The following ADAMDEC1 variants were observed in gnomAD, a reference collection of about 807,000 sequenced individuals.
ADAMDEC1 encodes ADAM like decysin 1, also known as ADAM DEC1.
ADAMDEC1 carries 62 observed loss-of-function variants against 60.4 expected under a neutral mutation model. The observed-to-expected ratio is 1.03, with a 90% CI of 0.84 to 1.27. The LOEUF (loss-of-function observed/expected upper bound fraction) is 1.27. ADAMDEC1 is among the 50% of genes most tolerant of loss of function. ADAMDEC1 has a pLI of 0.00. For missense variants in ADAMDEC1, 595 were observed against 565.0 expected, an observed-to-expected ratio of 1.05 and a Z score of -0.54; for synonymous variants, 210 against 195.1, an observed-to-expected ratio of 1.08 and a Z score of -0.64.
At position 24,405,498 on chromosome 8, in the gene ADAMDEC1, T is replaced by G. The variant is rs1817867465; in HGVS notation, c.*200T>G. The G allele has an allele frequency of 2.0e-6, 1 of 504,402 alleles. No individual in the cohort carries two copies. The highest frequency in any genetic ancestry group is 3.4e-5 in the East Asian group (1 of 29,428). 31.2% of individuals were successfully genotyped at this position (504,402 alleles called of 1,614,324 possible). On this transcript the variant is annotated 3_prime_UTR_variant, in exon 14 of 14. Coordinates refer to ENST00000256412, the MANE Select transcript of ADAMDEC1 (RefSeq NM_014479.3). ...TCTTTGTTTAGGCCTAATCTTTCTTTTTACTTTTTTTTTTCTTTTTTCTTT... is the reference window on the plus strand; with the variant it reads ...TCTTTGTTTAGGCCTAATCTTTCTTGTTACTTTTTTTTTTCTTTTTTCTTT...
intron 4 of ADAMDEC1, among the ~76,000 whole-genome samples, chr8:24,395,371 G>A (rs1449612658): frequency 1.6e-4 from 24 of 152,226 alleles, no homozygotes; most frequent in Non-Finnish European, 3.5e-4. Flanking sequence ...TACATCCCAA[G>A]AGGACTGGCT....
chr8:24,393,178 T>C, intron 2 of ADAMDEC1, 84 bp from the exon 3 acceptor site: 1 of 793,290 alleles, frequency 1.3e-6, no homozygotes, highest in Non-Finnish European at 1.9e-6. Flanking sequence ...CATTTGTAAT[T>C]GTTCTTCTAA....
chr8:24,397,201 T>C, intron 5 of ADAMDEC1, 69 bp from the exon 6 acceptor site: 2 of 1,455,890 alleles, frequency 1.4e-6, no homozygotes, highest in African/African-American at 1.4e-5. Flanking sequence ...CAGACATCAA[T>C]CCATTCTTGG....
In ADAMDEC1 at chr8:24,398,435, G is replaced by A. The variant is rs534148489; in HGVS notation, c.691-45G>A. ...ATCTTGTATGCCATCAGCTTTCTCA[G>A]TGTAATCTGCTATTTCACTATACTT... On this transcript the variant is annotated intron_variant, in intron 7 of 13. Transcript: ENST00000256412. The A allele has an allele frequency of 3.4e-6, 4 of 1,173,508 alleles. No individual in the cohort carries two copies. The South Asian group carries it at 4.0e-5, about 12-fold the overall frequency. The allele number at this position is 1,173,508 out of a possible 1,614,324, so 72.7% of individuals were successfully genotyped here.
chr8:24,394,481 G>C (rs1817554536), intron 4 of ADAMDEC1, among the ~76,000 whole-genome samples: 1 of 152,072 alleles, frequency 6.6e-6, no homozygotes, highest in Non-Finnish European at 1.5e-5. Flanking sequence ...AAAACCTCTT[G>C]TCACTATTTA....
intron 13 of ADAMDEC1, among the ~76,000 whole-genome samples, chr8:24,404,753 C>G (rs1318289867): frequency 6.6e-6 from 1 of 152,130 alleles, no homozygotes; most frequent in African/African-American, 2.4e-5. Flanking sequence ...ATTGAAACTG[C>G]AGAGACAGTA....
chr8:24,403,951 A>G, intron 12 of ADAMDEC1, 52 bp from the exon 13 acceptor site: 1 of 1,474,418 alleles, frequency 6.8e-7, no homozygotes, highest in Non-Finnish European at 9.5e-7. Context: ...CACCTAGTCT[A>G]TGGGAAGAAA....
At chr8:24,386,419 G>C (rs1260598534) in intron 1 of ADAMDEC1, among the ~76,000 whole-genome samples, 1 of 152,176 alleles carries the variant, frequency 6.6e-6, no homozygotes, top group Non-Finnish European at 1.5e-5. Flanking sequence ...ATGAACTTCA[G>C]CATTACATTT....
At chr8:24,398,426 G>A in intron 7 of ADAMDEC1, 54 bp from the exon 8 acceptor site, 1 of 1,031,572 alleles carries the variant, frequency 9.7e-7, no homozygotes, top group Non-Finnish European at 1.5e-6. Context: ...TATGCCATCA[G>A]CTTTCTCAGT....
chr8:24,389,005 G>A (rs749968267), intron 1 of ADAMDEC1, among the ~76,000 whole-genome samples: 17 of 152,128 alleles, frequency 1.1e-4, no homozygotes, highest in Non-Finnish European at 1.2e-4. Flanking sequence ...GGTTCAGAAG[G>A]GATGTACGGG....
intron 12 of ADAMDEC1, among the ~76,000 whole-genome samples, chr8:24,402,336 A>T (rs1817786865): frequency 6.6e-6 from 1 of 152,132 alleles, no homozygotes; most frequent in Non-Finnish European, 1.5e-5. Context: ...ATAACATGTC[A>T]CTTGCAATCT....
intron 9 of ADAMDEC1, 119 bp from the exon 10 acceptor site, chr8:24,399,274 T>G (rs1817698577): frequency 2.6e-6 from 3 of 1,138,912 alleles, no homozygotes; most frequent in African/African-American, 1.5e-5. Flanking sequence ...AGAAGTTTTT[T>G]GGGGCCTAGT....
intron 1 of ADAMDEC1, among the ~76,000 whole-genome samples, chr8:24,390,961 C>T (rs1305206960): frequency 6.6e-6 from 1 of 152,052 alleles, no homozygotes; most frequent in Non-Finnish European, 1.5e-5. Context: ...TTAGTGCTAA[C>T]GTTGGGACTA....
At chr8:24,398,207 G>T (rs982744556) in intron 7 of ADAMDEC1, among the ~76,000 whole-genome samples, 1 of 150,946 alleles carries the variant, frequency 6.6e-6, no homozygotes, top group African/African-American at 2.4e-5. Flanking sequence ...CACATGATTC[G>T]GTTTAAAAAC....
intron 1 of ADAMDEC1, among the ~76,000 whole-genome samples, chr8:24,384,974 G>A (rs1245954820): frequency 6.6e-6 from 1 of 151,986 alleles, no homozygotes; most frequent in African/African-American, 2.4e-5. Context: ...ATGAATCATG[G>A]CTGTTTAAAA....
At chr8:24,404,470 G>A (rs1817841397) in intron 13 of ADAMDEC1, among the ~76,000 whole-genome samples, 1 of 152,222 alleles carries the variant, frequency 6.6e-6, no homozygotes, top group East Asian at 1.9e-4. Context: ...AATTTGCAAG[G>A]CTGTCAGAAA....
chr8:24,397,284 A>C lies in ADAMDEC1; in HGVS notation c.455A>C (p.His152Pro). The stretch of plus-strand genomic sequence containing the variant: ...ATATCTCCCAGAGGATACTTCACAC[A>C]TCATCACCAAAGATACCAGATAAAA... The part of the protein sequence containing the change: ...TCDGLRGYFT[H>P]HHQRYQIKPL... Residue 152 changes from histidine (H) to proline (P), a missense_variant, in exon 6 of 14, where the codon CAT (histidine) becomes CCT (proline). His to Pro is a moderately conservative substitution (Grantham distance 77). Transcript: ENST00000256412. The C allele has an allele frequency of 2.5e-6, 4 of 1,613,092 alleles. No individual in the cohort carries two copies. Among genetic ancestry groups the C allele is most frequent in the Non-Finnish European group, 3.4e-6 (4 of 1,179,668 alleles).
chr8:24,401,987 A>C lies in ADAMDEC1; in HGVS notation c.1215A>C (p.Pro405=). 1 of 1,613,438 alleles carries C rather than the reference A, an allele frequency of 6.2e-7. No individual in the cohort carries two copies. Among genetic ancestry groups the C allele is most frequent in the Non-Finnish European group, 8.5e-7 (1 of 1,179,568 alleles). Residue 405 remains proline (P), a synonymous_variant, in exon 12 of 14, where the codon CCA becomes CCC. Coordinates refer to ENST00000256412, the MANE Select transcript of ADAMDEC1 (RefSeq NM_014479.3). Reference sequence around the variant, plus strand: ...AAAGATACCTTTTATCTCAGAAACCAAAGTGCCTGCTGCAAGCACCTATTC... The same window carrying C: ...AAAGATACCTTTTATCTCAGAAACCCAAGTGCCTGCTGCAAGCACCTATTC... ...HFERYLLSQK[P]KCLLQAPIPT...
At chr8:24,395,625 G>A (rs1817585414) in intron 4 of ADAMDEC1, 95 bp from the exon 5 acceptor site, 1 of 813,050 alleles carries the variant, frequency 1.2e-6, no homozygotes, top group African/African-American at 1.7e-5. Flanking sequence ...TCACAACTGT[G>A]ATACATGTAT....
Sources: gnomAD v4.1 joint callset for allele counts (sites outside exome capture counted in the v4.1 genomes callset) on GRCh38, gnomAD v4.1.1 for gene constraint, MANE v1.5 for transcripts, NCBI Gene and HGNC (gene_info 2026-07-23, HGNC 2026-07-21) for gene names.